The following SYPL1 variants were observed in gnomAD, a reference collection of about 807,000 sequenced individuals.
SYPL1 encodes synaptophysin like 1.
In SYPL1, 6 loss-of-function variants were observed where a neutral mutation model predicts 23.7. The ratio of observed to expected loss-of-function variants is 0.25; its 90% CI spans 0.14 to 0.50. The LOEUF (loss-of-function observed/expected upper bound fraction) is 0.50. Among genes scored for constraint, SYPL1 ranks in the 20% least tolerant of loss-of-function variants. SYPL1 has a pLI of 0.98. For missense variants in SYPL1, 253 were observed against 288.9 expected, an observed-to-expected ratio of 0.88 and a Z score of 0.90; for synonymous variants, 102 against 104.5, an observed-to-expected ratio of 0.98 and a Z score of 0.15.
upstream of SYPL1, chr7:106,112,524 C>T (rs1417907510): frequency 1.3e-6 from 2 of 1,518,116 alleles, no homozygotes; most frequent in Middle Eastern, 1.7e-4. Context: ...AGATGTTGGG[C>T]GCCATACTGC....
rs778949961 is a variant in SYPL1, at chr7:106,097,840, C to G, written c.252G>C (p.Trp84Cys). ...AATCGCCTATGAGGACGTAATCTTT[C>G]CAATTTACATCACATATGTTTACAC... ...PPGVNICDVN[W>C]KDYVLIGDYS... The change falls in exon 3 of 5, where the codon TGG (tryptophan) becomes TGC (cysteine). Residue 84 changes from tryptophan (W) to cysteine (C), a missense_variant. By Grantham distance (215) the Trp-to-Cys change is radical. Transcript: ENST00000455385. The surrounding 1 kb of genome is among the most constrained non-coding windows in gnomAD (Gnocchi z 4.6). 1 of 1,613,924 alleles carries G rather than the reference C, an allele frequency of 6.2e-7. No homozygotes were observed. Among genetic ancestry groups the G allele is most frequent in the South Asian group, 1.1e-5 (1 of 91,070 alleles).
rs1328901591 is a variant in SYPL1, at chr7:106,100,101, T to A, written c.70-819A>T. ...TATTTGGAACACAAGTTACCAGTAA[T>A]TTGTAAAGCCAAGAGGTTGTCAGCA... On this transcript the variant is annotated intron_variant, in intron 1 of 4. Transcript: ENST00000455385. The surrounding 1 kb of genome is among the most constrained non-coding windows in gnomAD (Gnocchi z 5.1). Among the ~76,000 whole-genome samples the A allele has an allele frequency of 1.3e-5, 2 of 152,190 alleles. No homozygotes were observed. The highest frequency in any genetic ancestry group is 4.8e-5 in the African/African-American group (2 of 41,432).
rs181891826 is a variant in SYPL1 at position 106,104,640 on chromosome 7, A to G, written c.70-5358T>C. On this transcript the variant is annotated intron_variant, in intron 1 of 4. Coordinates refer to ENST00000455385, the MANE Select transcript of SYPL1 (RefSeq NM_182715.4). This position sits in a 1 kb window ranked among gnomAD's most constrained non-coding sequence, Gnocchi z 4.1. ...TTTCCAATAACTTATAAATAAAACC[A>G]TATTTTGAATCTTACATAATTATTA... 4.9e-4 allele frequency among the ~76,000 whole-genome samples: 74 copies of G among 152,348 alleles called. No individual in the cohort carries two copies. The highest frequency in any genetic ancestry group is 3.4e-3 in the Middle Eastern group (1 of 294).
In SYPL1 at chr7:106,090,570, G is replaced by C. The variant is rs542549931; in HGVS notation, c.*1235C>G. Reference sequence around the variant, plus strand: ...ATACATTCTTATATTGACAATTCTTGTCATGAATAAAAGCATCAAAAATAA... The same window carrying C: ...ATACATTCTTATATTGACAATTCTTCTCATGAATAAAAGCATCAAAAATAA... On this transcript the variant is annotated 3_prime_UTR_variant, in exon 5 of 5. Coordinates refer to ENST00000455385, the MANE Select transcript of SYPL1 (RefSeq NM_182715.4). 17 of 152,662 alleles carry C rather than the reference G, an allele frequency of 1.1e-4. No homozygotes were observed. The South Asian group carries it at 3.5e-3, about 32-fold the overall frequency. The allele number at this position is 152,662 out of a possible 1,614,324, so 9.5% of individuals were successfully genotyped here. A position where few individuals can be genotyped will look rare whatever the true frequency, so the allele number is the denominator to read the frequency against.
intron 1 of SYPL1, among the ~76,000 whole-genome samples, chr7:106,110,308 C>T (rs1346927745): frequency 6.6e-6 from 1 of 152,200 alleles, no homozygotes; most frequent in Non-Finnish European, 1.5e-5. Context: ...TTCCTTCTGC[C>T]TAGAAAGCCA....
chr7:106,105,205 C>G (rs530464200), intron 1 of SYPL1, among the ~76,000 whole-genome samples: 1 of 152,274 alleles, frequency 6.6e-6, no homozygotes, highest in South Asian at 2.1e-4. Flanking sequence ...AAACATCTTG[C>G]TTCACTCATT....
intron 2 of SYPL1, among the ~76,000 whole-genome samples, chr7:106,098,715 C>G (rs1462594956): frequency 1.3e-5 from 2 of 152,172 alleles, no homozygotes; most frequent in East Asian, 3.8e-4. Flanking sequence ...AATATGGAAT[C>G]TCTTTATATA....
rs771521728 is a variant in SYPL1 at position 106,096,588 on chromosome 7, TACTA to T, written c.402+1098_402+1101del. Reference sequence around the variant, plus strand: ...GCCACCAATAATCCAGGGCAGATTCTACTAACTAAATCTCAGAGAATATTTCTAG... The same window carrying T: ...GCCACCAATAATCCAGGGCAGATTCTACTAAATCTCAGAGAATATTTCTAG... On this transcript the variant is annotated intron_variant, in intron 3 of 4. Transcript: ENST00000455385. The surrounding 1 kb of genome is among the most constrained non-coding windows in gnomAD (Gnocchi z 4.4). 6.6e-6 allele frequency among the ~76,000 whole-genome samples: 1 copy of T among 152,232 alleles called. No individual in the cohort carries two copies. Among genetic ancestry groups the T allele is most frequent in the Non-Finnish European group, 1.5e-5 (1 of 68,046 alleles).
At chr7:106,092,805 A>G (rs1839807087) in intron 4 of SYPL1, 144 bp downstream of exon 4, 1 of 724,550 alleles carries the variant, frequency 1.4e-6, no homozygotes, top group East Asian at 2.9e-5. Flanking sequence ...TTTCTTCACT[A>G]AACACTATAT....
rs1839729656 is a variant in SYPL1, at chr7:106,091,531, G to GCAAA, written c.*270_*273dup. Reference sequence around the variant, plus strand: ...GCTTAAGGTGTAAACACTTTGGAAGGCAAACAGCTTAGTGAAAAAAATTAT... The same window carrying GCAAA: ...GCTTAAGGTGTAAACACTTTGGAAGGCAAACAAACAGCTTAGTGAAAAAAATTAT... On this transcript the variant is annotated 3_prime_UTR_variant, in exon 5 of 5. Transcript: ENST00000455385. This position sits in a 1 kb window ranked among gnomAD's most constrained non-coding sequence, Gnocchi z 5.0. 1 of 304,628 alleles carries GCAAA rather than the reference G, an allele frequency of 3.3e-6. No individual in the cohort carries two copies. Among genetic ancestry groups the GCAAA allele is most frequent in the African/African-American group, 2.2e-5 (1 of 46,322 alleles). The allele number at this position is 304,628 out of a possible 1,614,324, so 18.9% of individuals were successfully genotyped here.
rs962449842 is a variant in SYPL1 at position 106,091,071 on chromosome 7, T to C, written c.*734A>G. 1 of 152,192 alleles carries C rather than the reference T, an allele frequency of 6.6e-6. No individual in the cohort carries two copies. The highest frequency in any genetic ancestry group is 1.5e-5 in the Non-Finnish European group (1 of 68,038). The allele number at this position is 152,192 out of a possible 1,614,324, so 9.4% of individuals were successfully genotyped here. ...CAAATATCACTAAGAGTAATGCCCA[T>C]ACATATAAAGATATCTAGTTGAGCC... On this transcript the variant is annotated 3_prime_UTR_variant, in exon 5 of 5. Coordinates refer to ENST00000455385, the MANE Select transcript of SYPL1 (RefSeq NM_182715.4). The surrounding 1 kb of genome is among the most constrained non-coding windows in gnomAD (Gnocchi z 5.0).
Position 106,096,669 on chromosome 7 carries a change from T to C in SYPL1, c.402+1021A>G, listed in dbSNP as rs1374734248. 2.6e-5 allele frequency among the ~76,000 whole-genome samples: 4 copies of C among 152,240 alleles called. No individual in the cohort carries two copies. The highest frequency in any genetic ancestry group is 1.3e-4 in the Admixed American group (2 of 15,278). On this transcript the variant is annotated intron_variant, in intron 3 of 4. Transcript: ENST00000455385. This position sits in a 1 kb window ranked among gnomAD's most constrained non-coding sequence, Gnocchi z 4.4. Reference sequence around the variant, plus strand: ...TAGGACTTCAAATCTAAGTCCTTTGTTGATACCTCAAAGATTCAAAATTAG... The same window carrying C: ...TAGGACTTCAAATCTAAGTCCTTTGCTGATACCTCAAAGATTCAAAATTAG...
rs73719098 is a variant in SYPL1, at chr7:106,104,895, T to C, written c.70-5613A>G. On this transcript the variant is annotated intron_variant, in intron 1 of 4. Transcript: ENST00000455385. This position sits in a 1 kb window ranked among gnomAD's most constrained non-coding sequence, Gnocchi z 4.1. ...GTAAAACCCGGCCTGCAAATATATT[T>C]GTGTGGCCTTTCCAGTATTACAAAA... Among the ~76,000 whole-genome samples, 1,949 of 152,330 alleles carry C rather than the reference T, an allele frequency of 0.013. 31 individuals are homozygous for C. Among genetic ancestry groups the C allele is most frequent in the African/African-American group, 0.045 (1,862 of 41,560 alleles).
chr7:106,106,374 C>A (rs1840599230), intron 1 of SYPL1, among the ~76,000 whole-genome samples: 1 of 151,856 alleles, frequency 6.6e-6, no homozygotes, highest in Non-Finnish European at 1.5e-5. Flanking sequence ...ATGGTGAAAC[C>A]CCATCTCTAC....
Position 106,112,172 on chromosome 7 carries a change from C to T in SYPL1, c.37G>A (p.Glu13Lys), listed in dbSNP as rs201833481. 1,260 of 1,545,008 alleles carry T rather than the reference C, an allele frequency of 8.2e-4. No homozygotes were observed. Among genetic ancestry groups the T allele is most frequent in the Non-Finnish European group, 9.9e-4 (1,124 of 1,138,254 alleles). Residue 13 changes from glutamate (E) to lysine (K), a missense_variant, in exon 1 of 5, where the codon GAG (glutamate) becomes AAG (lysine). By Grantham distance (56) the Glu-to-Lys change is moderately conservative. Transcript: ENST00000455385. ...GFQINLNPLK[E>K]PLGFIKVLEW... is the part of the protein sequence containing the mutation. ...AGGACCTTGATGAAGCCGAGTGGCT[C>T]CTTGAGCGGGTTGAGGTTGATCTGG... is the stretch of plus-strand genomic sequence containing the variant.
chr7:106,100,280 G>A lies in SYPL1; in HGVS notation c.70-998C>T, dbSNP rs1389988733. On this transcript the variant is annotated intron_variant, in intron 1 of 4. Coordinates refer to ENST00000455385, the MANE Select transcript of SYPL1 (RefSeq NM_182715.4). This position sits in a 1 kb window ranked among gnomAD's most constrained non-coding sequence, Gnocchi z 5.1. Reference sequence around the variant, plus strand: ...TACCATCTAAAACACAAAAAACCTAGAAGCAACCTAAATGTTGACAGGGAA... The same window carrying A: ...TACCATCTAAAACACAAAAAACCTAAAAGCAACCTAAATGTTGACAGGGAA... Among the ~76,000 whole-genome samples the A allele has an allele frequency of 2.0e-5, 3 of 152,106 alleles. No individual in the cohort carries two copies. Among genetic ancestry groups the A allele is most frequent in the Non-Finnish European group, 2.9e-5 (2 of 68,020 alleles).
At chr7:106,102,059 A>G (rs1427182155) in intron 1 of SYPL1, among the ~76,000 whole-genome samples, 1 of 151,842 alleles carries the variant, frequency 6.6e-6, no homozygotes, top group African/African-American at 2.4e-5. Context: ...AAGAAATGGG[A>G]TGTCTTTTCT....
Position 106,100,113 on chromosome 7 carries a change from A to C in SYPL1, c.70-831T>G, listed in dbSNP as rs10281998. On this transcript the variant is annotated intron_variant, in intron 1 of 4. Transcript: ENST00000455385. This position sits in a 1 kb window ranked among gnomAD's most constrained non-coding sequence, Gnocchi z 5.1. ...AAGTTACCAGTAATTTGTAAAGCCAAGAGGTTGTCAGCAGAGAAGAGACAC... is the reference window on the plus strand; with the variant it reads ...AAGTTACCAGTAATTTGTAAAGCCACGAGGTTGTCAGCAGAGAAGAGACAC... Among the ~76,000 whole-genome samples, 7,949 of 152,280 alleles carry C rather than the reference A, an allele frequency of 0.052. 715 individuals are homozygous for C. The highest frequency in any genetic ancestry group is 0.18 in the African/African-American group (7,444 of 41,518).
chr7:106,098,852 C>A (rs1301987625), intron 2 of SYPL1, among the ~76,000 whole-genome samples: 1 of 152,174 alleles, frequency 6.6e-6, no homozygotes, highest in African/African-American at 2.4e-5. Flanking sequence ...ATAGAACAAT[C>A]TCTAGTTTGC....
Sources: gnomAD v4.1 joint callset for allele counts (sites outside exome capture counted in the v4.1 genomes callset) on GRCh38, gnomAD v4.1.1 for gene constraint, Gnocchi (gnomAD v3.1) non-coding constraint, MANE v1.5 for transcripts, NCBI Gene and HGNC (gene_info 2026-07-23, HGNC 2026-07-21) for gene names.